The following GALNT15 variants were observed in gnomAD, a reference collection of about 807,000 sequenced individuals.
GALNT15 encodes polypeptide N-acetylgalactosaminyltransferase 15, also known as UDP-GalNAc transferase T15.
In GALNT15, 67 loss-of-function variants were observed where a neutral mutation model predicts 66.8. That is an observed-to-expected ratio of 1.00 (90% CI 0.82 to 1.23). The LOEUF is 1.23. Ranked by LOEUF, GALNT15 falls within the 50% of genes most tolerant of loss-of-function variation. The pLI is 0.00. For missense variants in GALNT15, 827 were observed against 804.3 expected (o/e 1.03, Z -0.34); for synonymous variants, 313 against 311.5 (o/e 1.00, Z -0.05).
chr3:16,233,094 C>CTT (rs61516679), downstream of GALNT15, among the ~76,000 whole-genome samples: 41 of 61,200 alleles, frequency 6.7e-4, 11 homozygotes, highest in East Asian at 2.1e-3. Context: ...GATAATGCAT[C>CTT]TTTTTTTTTT....
chr3:16,178,221 T>G (rs2063431451), intron 1 of GALNT15, among the ~76,000 whole-genome samples: 1 of 152,082 alleles, frequency 6.6e-6, no homozygotes. Context: ...GAGTGTGTGA[T>G]GTGCACTGTG....
chr3:16,200,158 T>A lies in GALNT15; in HGVS notation c.707-461T>A, dbSNP rs534346116. Among the ~76,000 whole-genome samples the A allele has an allele frequency of 5.9e-5, 9 of 152,052 alleles. No individual in the cohort carries two copies. The highest frequency in any genetic ancestry group is 2.0e-4 in the Admixed American group (3 of 15,268). On this transcript the variant is annotated intron_variant, in intron 2 of 9. Transcript: ENST00000339732. This position sits in a 1 kb window ranked among gnomAD's most constrained non-coding sequence, Gnocchi z 4.4. ...GAAAAACTATCAAACACTTATATAATCATCAGATCTCATGAGAACTCACTA... is the reference window on the plus strand; with the variant it reads ...GAAAAACTATCAAACACTTATATAAACATCAGATCTCATGAGAACTCACTA...
chr3:16,217,309 T>C (rs1025202739), intron 6 of GALNT15, among the ~76,000 whole-genome samples: 4 of 152,208 alleles, frequency 2.6e-5, no homozygotes, highest in African/African-American at 7.2e-5. Flanking sequence ...ATTTGATGAC[T>C]TTTGCAAGGA....
At position 16,193,025 on chromosome 3, in the gene GALNT15, G is replaced by A. The variant is rs1251033437; in HGVS notation, c.540-2735G>A. On this transcript the variant is annotated intron_variant, in intron 1 of 9. Coordinates refer to ENST00000339732, the MANE Select transcript of GALNT15 (RefSeq NM_054110.5). The surrounding 1 kb of genome is among the most constrained non-coding windows in gnomAD (Gnocchi z 4.7). The stretch of plus-strand genomic sequence containing the variant: ...GGTTTTGCTCATTGTGGATGATTAC[G>A]TGAGATATTTTCATGATGGGGAGCT... 6.6e-6 allele frequency among the ~76,000 whole-genome samples: 1 copy of A among 152,138 alleles called. No individual in the cohort carries two copies. Among genetic ancestry groups the A allele is most frequent in the South Asian group, 2.1e-4 (1 of 4,826 alleles).
rs1301922334 is a variant in GALNT15, at chr3:16,175,063, AC to A, written c.-86del. On this transcript the variant is annotated 5_prime_UTR_variant, in exon 1 of 10. An upstream open reading frame in the 5' UTR loses its in-frame stop. Coordinates refer to ENST00000339732, the MANE Select transcript of GALNT15 (RefSeq NM_054110.5). The surrounding 1 kb of genome is among the most constrained non-coding windows in gnomAD (Gnocchi z 5.6). ...GAAAAACTTCCAGGTGGAACAAGCA[AC>A]CCAGGTTCTGCTGCAAGCTTGAAGG... The A allele has an allele frequency of 6.8e-6, 9 of 1,326,210 alleles. No individual in the cohort carries two copies. The African/African-American group carries it at 1.3e-4, about 19-fold the overall frequency. The allele number at this position is 1,326,210 out of a possible 1,614,324, so 82.2% of individuals were successfully genotyped here. A position where few individuals can be genotyped will look rare whatever the true frequency, so the allele number is the denominator to read the frequency against.
Position 16,193,886 on chromosome 3 carries a change from G to C in GALNT15, c.540-1874G>C, listed in dbSNP as rs1374488636. On this transcript the variant is annotated intron_variant, in intron 1 of 9. Coordinates refer to ENST00000339732, the MANE Select transcript of GALNT15 (RefSeq NM_054110.5). This position sits in a 1 kb window ranked among gnomAD's most constrained non-coding sequence, Gnocchi z 4.7. ...AACACACGTTAAGAAAGTGCCTTTT[G>C]TAAGCAAGTGTGAGCTATATACTGC... 6.6e-6 allele frequency among the ~76,000 whole-genome samples: 1 copy of C among 152,202 alleles called. No individual in the cohort carries two copies. Among genetic ancestry groups the C allele is most frequent in the African/African-American group, 2.4e-5 (1 of 41,436 alleles).
At chr3:16,218,814 T>C (rs867363630) in intron 6 of GALNT15, among the ~76,000 whole-genome samples, 2,639 of 143,398 alleles carry the variant, frequency 0.018, 14 homozygotes, top group Middle Eastern at 0.036. Context: ...CTCTCTCTTT[T>C]TTTTTTTTTT....
chr3:16,215,916 A>AAAAAAAAAAAAAAAAAAAAAC (rs2063869013), intron 6 of GALNT15, among the ~76,000 whole-genome samples: 12 of 143,524 alleles, frequency 8.4e-5, no homozygotes, highest in African/African-American at 2.9e-4. Context: ...CAAAAAAAAA[A>AAAAAAAAAAAAAAAAAAAAAC]AAAAAAAAAG....
At chr3:16,232,040 A>G, downstream of GALNT15, 2 of 1,288,780 alleles carry the variant, frequency 1.6e-6, no homozygotes, top group Non-Finnish European at 2.1e-6. Flanking sequence ...CAATGCAGAA[A>G]CTGTTCAGAG....
In GALNT15 at chr3:16,219,106, G is replaced by A. The variant is rs2347326; in HGVS notation, c.1393-297G>A. Reference sequence around the variant, plus strand: ...GCTGGAGGTGTGAGCCACCACTCCCGGCCTATTGTAGTCTTTATAGACTGG... The same window carrying A: ...GCTGGAGGTGTGAGCCACCACTCCCAGCCTATTGTAGTCTTTATAGACTGG... On this transcript the variant is annotated intron_variant, in intron 6 of 9. Transcript: ENST00000339732. This position sits in a 1 kb window ranked among gnomAD's most constrained non-coding sequence, Gnocchi z 4.3. Among the ~76,000 whole-genome samples, 73,903 of 151,362 alleles carry A rather than the reference G, an allele frequency of 0.49. 18,183 individuals are homozygous for A. Among genetic ancestry groups the A allele is most frequent in the East Asian group, 0.6 (3,106 of 5,160 alleles).
chr3:16,188,644 C>T lies in GALNT15; in HGVS notation c.540-7116C>T, dbSNP rs1366428602. On this transcript the variant is annotated intron_variant, in intron 1 of 9. Transcript: ENST00000339732. The surrounding 1 kb of genome is among the most constrained non-coding windows in gnomAD (Gnocchi z 4.6). ...GGATGGTGTAGATGCAGTTCAGGAC[C>T]TTTCAAAGATCTTTGTTGGCTGGAC... Among the ~76,000 whole-genome samples the T allele has an allele frequency of 6.6e-6, 1 of 152,078 alleles. No homozygotes were observed. The highest frequency in any genetic ancestry group is 1.5e-5 in the Non-Finnish European group (1 of 68,012).
chr3:16,175,499 C>G lies in GALNT15; in HGVS notation c.348C>G (p.Ser116Arg). The change falls in exon 1 of 10, where the codon AGC becomes AGG. Residue 116 changes from serine to arginine, a missense_variant. Coordinates refer to ENST00000339732, the MANE Select transcript of GALNT15 (RefSeq NM_054110.5). The surrounding 1 kb of genome is among the most constrained non-coding windows in gnomAD (Gnocchi z 5.6). Reference sequence around the variant, plus strand: ...AGAGCCAGGGCAGGAGAGGTGGGAGCTACCGCCTCATCAAGCAGCCAAGGA... The same window carrying G: ...AGAGCCAGGGCAGGAGAGGTGGGAGGTACCGCCTCATCAAGCAGCCAAGGA... ...RNQSQGRRGG[S>R]YRLIKQPRRQ... 1 of 1,613,840 alleles carries G rather than the reference C, an allele frequency of 6.2e-7. No individual in the cohort carries two copies. The highest frequency in any genetic ancestry group is 8.5e-7 in the Non-Finnish European group (1 of 1,179,858).
In GALNT15 at chr3:16,191,466, C is replaced by G. The variant is rs967063174; in HGVS notation, c.540-4294C>G. 5 of 405,764 alleles carry G rather than the reference C, an allele frequency of 1.2e-5. No homozygotes were observed. The highest frequency in any genetic ancestry group is 1.7e-5 in the Non-Finnish European group (5 of 300,028). The allele number at this position is 405,764 out of a possible 1,614,324, so 25.1% of individuals were successfully genotyped here. On this transcript the variant is annotated intron_variant, in intron 1 of 9. Coordinates refer to ENST00000339732, the MANE Select transcript of GALNT15 (RefSeq NM_054110.5). This position sits in a 1 kb window ranked among gnomAD's most constrained non-coding sequence, Gnocchi z 5.2. ...AAAAGTGGGCCCTACGGCTACCTTT[C>G]TGAGGAAACCAAGGCACCCAGAAGC...
downstream of GALNT15, among the ~76,000 whole-genome samples, chr3:16,230,998 A>G (rs899240928): frequency 1.3e-5 from 2 of 152,132 alleles, no homozygotes; most frequent in African/African-American, 2.4e-5. The surrounding 1 kb of genome is among the most constrained non-coding windows in gnomAD (Gnocchi z 4.5). Context: ...TTGCAGGGAC[A>G]TGGATGAAGC....
Position 16,211,384 on chromosome 3 carries a change from A to T in GALNT15, c.1197+143A>T. The T allele has an allele frequency of 1.7e-6, 1 of 601,126 alleles. No homozygotes were observed. The highest frequency in any genetic ancestry group is 2.7e-5 in the Admixed American group (1 of 36,866). The allele number at this position is 601,126 out of a possible 1,614,324, so 37.2% of individuals were successfully genotyped here. ...TAAAGTCATTCCTGTGTTGTGTGTC[A>T]AACCTCCCATTTCTCACAGTTTCCC... On this transcript the variant is annotated intron_variant, in intron 5 of 9. Coordinates refer to ENST00000339732, the MANE Select transcript of GALNT15 (RefSeq NM_054110.5). This position sits in a 1 kb window ranked among gnomAD's most constrained non-coding sequence, Gnocchi z 4.3.
intron 6 of GALNT15, among the ~76,000 whole-genome samples, chr3:16,215,437 G>C (rs2063860758): frequency 1.3e-5 from 2 of 152,224 alleles, no homozygotes; most frequent in Non-Finnish European, 2.9e-5. Flanking sequence ...GAAAGAACCA[G>C]AAGTAGAACT....
the GALNT15 span, chr3:16,243,889 C>A: frequency 2.0e-6 from 1 of 505,204 alleles, no homozygotes; most frequent in Non-Finnish European, 2.6e-6. Flanking sequence ...TGTTGTCTCA[C>A]TCCACCACAG....
In GALNT15 at chr3:16,203,476, A is replaced by G. The variant is rs1249851470; in HGVS notation, c.911+2653A>G. Among the ~76,000 whole-genome samples, 2 of 116,836 alleles carry G rather than the reference A, an allele frequency of 1.7e-5. No individual in the cohort carries two copies. The highest frequency in any genetic ancestry group is 3.7e-5 in the Non-Finnish European group (2 of 54,368). 76.6% of individuals were successfully genotyped at this position (116,836 alleles called of 152,430 possible). ...CTCTCCTGTCTGTCTCTGCCTCTCT[A>G]CCTCTCTCACGGTCTTTGTCTCTCT... is the stretch of plus-strand genomic sequence containing the variant. On this transcript the variant is annotated intron_variant, in intron 3 of 9. Transcript: ENST00000339732. This position sits in a 1 kb window ranked among gnomAD's most constrained non-coding sequence, Gnocchi z 6.2.
chr3:16,234,933 T>G (rs2064117520), downstream of GALNT15, among the ~76,000 whole-genome samples: 1 of 151,414 alleles, frequency 6.6e-6, no homozygotes, highest in Non-Finnish European at 1.5e-5. Context: ...CTTTTTTTTT[T>G]TTTTTTTTTG....
Sources: gnomAD v4.1 joint callset for allele counts (sites outside exome capture counted in the v4.1 genomes callset) on GRCh38, gnomAD v4.1.1 for gene constraint, Gnocchi (gnomAD v3.1) non-coding constraint, MANE v1.5 for transcripts, NCBI Gene and HGNC (gene_info 2026-07-23, HGNC 2026-07-21) for gene names.